Variants in KAZN observed in about 807,000 individuals in gnomAD.
The protein encoded by KAZN is kazrin.
A neutral mutation model predicts 87.4 loss-of-function variants in KAZN; 40 were observed. That is an observed-to-expected ratio of 0.46 (90% CI 0.36 to 0.60). The LOEUF is 0.60. KAZN is among the 20% of genes least tolerant of loss of function. The pLI is 0.00. For missense variants in KAZN, 898 were observed against 1,073.9 expected, an observed-to-expected ratio of 0.84 and a Z score of 2.29; for synonymous variants, 466 against 458.3, an observed-to-expected ratio of 1.02 and a Z score of -0.22.
Position 15,044,076 on chromosome 1 carries a change from G to T in KAZN, c.643G>T (p.Ala215Ser), listed in dbSNP as rs1673211506. The T allele has an allele frequency of 6.2e-7, 1 of 1,612,904 alleles. No homozygotes were observed. The highest frequency in any genetic ancestry group is 2.2e-5 in the East Asian group (1 of 44,854). ...KWELRRQAKE[A>S]TDHATALRSQ... is the part of the protein sequence containing the mutation. ...GGAGCTGCGGCGCCAAGCCAAGGAG[G>T]CCACAGACCACGCCACGGCACTGCG... The change falls in exon 4 of 15, where the codon GCC becomes TCC. Residue 215 changes from alanine to serine, a missense_variant. Ala to Ser is a moderately conservative substitution (Grantham distance 99). Coordinates refer to ENST00000376030, the MANE Select transcript of KAZN (RefSeq NM_201628.3).
intron 1 of KAZN, among the ~76,000 whole-genome samples, chr1:14,639,457 G>A (rs1428683364): frequency 1.3e-5 from 2 of 152,192 alleles, no homozygotes; most frequent in Admixed American, 6.5e-5. Flanking sequence ...GGTGCTGAAT[G>A]TCTGGAAATT....
intron 1 of KAZN, among the ~76,000 whole-genome samples, chr1:14,948,342 C>T (rs914670617): frequency 4.6e-5 from 7 of 152,168 alleles, no homozygotes; most frequent in Non-Finnish European, 1.0e-4. Context: ...TTGGCTCCTC[C>T]CCTCCCAATG....
chr1:14,246,260 G>T (rs560060965), intron 2 of KAZN, among the ~76,000 whole-genome samples: 1 of 152,114 alleles, frequency 6.6e-6, no homozygotes, highest in East Asian at 1.9e-4. Flanking sequence ...GATGGGTGCA[G>T]CGGACCACCA....
chr1:14,971,351 T>C (rs1665005229), intron 2 of KAZN, among the ~76,000 whole-genome samples: 1 of 152,120 alleles, frequency 6.6e-6, no homozygotes, highest in Admixed American at 6.5e-5. Flanking sequence ...TGGGCTGAGA[T>C]TGCGCCGCGG....
chr1:14,479,022 T>C (rs1177707102), intron 2 of KAZN, among the ~76,000 whole-genome samples: 4 of 152,230 alleles, frequency 2.6e-5, no homozygotes, highest in African/African-American at 9.6e-5. Context: ...CTGGGAAGCA[T>C]GCAGAATGCC....
At chr1:14,711,151 C>G (rs1268380287) in intron 1 of KAZN, among the ~76,000 whole-genome samples, 6 of 152,122 alleles carry the variant, frequency 3.9e-5, no homozygotes, top group African/African-American at 1.4e-4. Context: ...CATGATGGCA[C>G]CACTGCCCTC....
intron 1 of KAZN, among the ~76,000 whole-genome samples, chr1:14,096,776 G>A (rs762786255): frequency 1.1e-4 from 16 of 152,186 alleles, no homozygotes; most frequent in Non-Finnish European, 1.8e-4. Flanking sequence ...TGGGGAGTTT[G>A]TTCAAAACTT....
chr1:14,628,347 G>T (rs1679304052), intron 1 of KAZN, among the ~76,000 whole-genome samples: 1 of 152,198 alleles, frequency 6.6e-6, no homozygotes, highest in African/African-American at 2.4e-5. Flanking sequence ...TGAGATTGCA[G>T]GAAATTTGCC....
In KAZN at chr1:14,769,981, G is replaced by A. The variant is rs1296195567; in HGVS notation, c.226+170758G>A. On this transcript the variant is annotated intron_variant, in intron 1 of 14. Transcript: ENST00000376030. The surrounding 1 kb of genome is among the most constrained non-coding windows in gnomAD (Gnocchi z 4.1). ...TAAACTGAACCCTGGAGGTTGAGCAGGGATAAAGCCAAGTGAACAGTGGGA... is the reference window on the plus strand; with the variant it reads ...TAAACTGAACCCTGGAGGTTGAGCAAGGATAAAGCCAAGTGAACAGTGGGA... 2.0e-5 allele frequency among the ~76,000 whole-genome samples: 3 copies of A among 152,164 alleles called. No homozygotes were observed. The highest frequency in any genetic ancestry group is 7.2e-5 in the African/African-American group (3 of 41,432).
At chr1:14,027,053 C>T (rs1208710575) in intron 1 of KAZN, among the ~76,000 whole-genome samples, 3 of 152,142 alleles carry the variant, frequency 2.0e-5, no homozygotes. Context: ...GACATGAAAA[C>T]CGTCTTGACA....
chr1:14,975,963 C>T (rs1361182352), intron 2 of KAZN, among the ~76,000 whole-genome samples: 5 of 141,412 alleles, frequency 3.5e-5, no homozygotes, highest in Admixed American at 2.3e-4. Context: ...ACCCGGGAGG[C>T]GGAGCTTGCA....
At chr1:14,003,141 G>A (rs1332244185) in intron 1 of KAZN, among the ~76,000 whole-genome samples, 1 of 151,968 alleles carries the variant, frequency 6.6e-6, no homozygotes, top group African/African-American at 2.4e-5. Flanking sequence ...CTCATAAGTG[G>A]GAGTTGAACA....
chr1:15,086,372 G>A (rs1467141150), intron 8 of KAZN, among the ~76,000 whole-genome samples: 2 of 152,152 alleles, frequency 1.3e-5, no homozygotes, highest in African/African-American at 2.4e-5. Context: ...AAACAACATC[G>A]TCAAAGCGCT....
intron 1 of KAZN, among the ~76,000 whole-genome samples, chr1:13,990,906 A>G (rs1298516141): frequency 6.6e-6 from 1 of 152,204 alleles, no homozygotes; most frequent in Non-Finnish European, 1.5e-5. Context: ...TTGTTTGAGT[A>G]TTTTCATAAT....
intron 1 of KAZN, among the ~76,000 whole-genome samples, chr1:14,094,713 C>T (rs1644088255): frequency 6.6e-6 from 1 of 152,076 alleles, no homozygotes; most frequent in Non-Finnish European, 1.5e-5. Flanking sequence ...TTTCTATTTC[C>T]TAGTAGTGGA....
chr1:14,387,596 CT>C (rs1469347665), intron 2 of KAZN, among the ~76,000 whole-genome samples: 3 of 152,134 alleles, frequency 2.0e-5, no homozygotes, highest in Non-Finnish European at 4.4e-5. Flanking sequence ...TCTGCCCCTG[CT>C]TGGGGGGTGC....
chr1:14,575,159 G>A (rs1337160836), intron 2 of KAZN, among the ~76,000 whole-genome samples: 2 of 151,742 alleles, frequency 1.3e-5, no homozygotes, highest in African/African-American at 2.4e-5. Context: ...AGGTCATGGA[G>A]GTCACTCTGG....
chr1:14,719,206 A>G (rs1190501814), intron 1 of KAZN, among the ~76,000 whole-genome samples: 3 of 152,228 alleles, frequency 2.0e-5, no homozygotes, highest in African/African-American at 7.2e-5. Flanking sequence ...AATCTTGGTC[A>G]AATTAATAAA....
At chr1:14,998,996 G>A (rs967101109) in intron 2 of KAZN, among the ~76,000 whole-genome samples, 1 of 152,218 alleles carries the variant, frequency 6.6e-6, no homozygotes, top group Admixed American at 6.5e-5. Flanking sequence ...ACAGTCACCA[G>A]GTATTTGTCA....
Sources: allele counts gnomAD v4.1 joint callset (sites outside exome capture counted in the v4.1 genomes callset), GRCh38; gene constraint gnomAD v4.1.1; non-coding constraint Gnocchi (gnomAD v3.1); transcripts MANE v1.5; gene names NCBI Gene and HGNC (gene_info 2026-07-23, HGNC 2026-07-21).